MIDN: variants seen among roughly 807,000 people sequenced by gnomAD.
MIDN encodes midbrain nucleolar protein.
Under a neutral mutation model 46.1 loss-of-function variants are expected in MIDN, and 26 were observed. That is an observed-to-expected ratio of 0.56 (90% CI 0.41 to 0.78). MIDN has a LOEUF of 0.78. Ranked by LOEUF, MIDN falls within the 30% of genes least tolerant of loss-of-function variation. MIDN has a pLI of 0.00. For missense variants in MIDN, 850 were observed against 771.8 expected (o/e 1.10, Z -1.20); for synonymous variants, 432 against 343.3 (o/e 1.26, Z -2.86).
intron 7 of MIDN, 122 bp from the exon 8 acceptor site, chr19:1,255,300 G>A (rs894216072): frequency 3.2e-5 from 42 of 1,324,792 alleles, no homozygotes; most frequent in East Asian, 7.6e-5. Context: ...GTGGTCCCTC[G>A]TGCACATCAG....
In MIDN at chr19:1,258,072, G is replaced by C. The variant is rs2081223502; in HGVS notation, c.*800G>C. ...CCTGCCCTCCGCCCCGCCCCAGCCGGCGGACTGTGCTGTTTCCTCCGCCCC... is the reference window on the plus strand; with the variant it reads ...CCTGCCCTCCGCCCCGCCCCAGCCGCCGGACTGTGCTGTTTCCTCCGCCCC... On this transcript the variant is annotated 3_prime_UTR_variant, in exon 9 of 9. Transcript: ENST00000682408. 1 of 152,564 alleles carries C rather than the reference G, an allele frequency of 6.6e-6. No individual in the cohort carries two copies. The highest frequency in any genetic ancestry group is 2.1e-4 in the South Asian group (1 of 4,856). The allele number at this position is 152,564 out of a possible 1,614,324, so 9.5% of individuals were successfully genotyped here.
At position 1,257,266 on chromosome 19, in the gene MIDN, G is replaced by C. The variant is rs777844764; in HGVS notation, c.1530G>C (p.Val510=). The C allele has an allele frequency of 6.2e-7, 1 of 1,611,760 alleles. No individual in the cohort carries two copies. The highest frequency in any genetic ancestry group is 8.5e-7 in the Non-Finnish European group (1 of 1,179,506). The change falls in exon 9 of 9, where the codon GTG becomes GTC. Residue 510 remains valine (V), a synonymous_variant. Coordinates refer to ENST00000682408, the MANE Select transcript of MIDN (RefSeq NM_001388306.1). The part of the protein sequence containing the change: ...VNPDIKSEFV[V]A ...CTGACATCAAGTCAGAGTTCGTGGT[G>C]GCTTAGGATCTTCGGATCGGCCACC...
At chr19:1,254,619 G>A (rs2081175364) in intron 6 of MIDN, 141 bp downstream of exon 6, 1 of 947,306 alleles carries the variant, frequency 1.1e-6, no homozygotes, top group Non-Finnish European at 1.6e-6. Flanking sequence ...TCGGGCTGGT[G>A]GGTGATCCCC....
At chr19:1,249,085 C>T (rs1016989108) in intron 1 of MIDN, among the ~76,000 whole-genome samples, 3 of 151,416 alleles carry the variant, frequency 2.0e-5, no homozygotes, top group African/African-American at 4.8e-5. Flanking sequence ...AGAGGGCGCG[C>T]CCGAGCTGCT....
rs150148017 is a variant in MIDN, at chr19:1,257,191, C to T, written c.1455C>T (p.Ser485=). ...GCGGCGGCAGCCCCAGCGAGGCCTCCGGCTTGGGCCTCGACTTCGAGGACT... is the reference window on the plus strand; with the variant it reads ...GCGGCGGCAGCCCCAGCGAGGCCTCTGGCTTGGGCCTCGACTTCGAGGACT... ...SGGGGSPSEA[S]GLGLDFEDSV... Residue 485 remains serine, a synonymous_variant, in exon 9 of 9, where the codon TCC becomes TCT. Transcript: ENST00000682408. The T allele has an allele frequency of 1.1e-3, 1,804 of 1,611,994 alleles. 5 individuals are homozygous for T. Among genetic ancestry groups the T allele is most frequent in the South Asian group, 1.4e-3 (125 of 91,074 alleles).
chr19:1,254,752 G>T, intron 6 of MIDN, 150 bp from the exon 7 acceptor site: 4 of 956,730 alleles, frequency 4.2e-6, no homozygotes, highest in Non-Finnish European at 6.3e-6. Flanking sequence ...TGGGTTGGTT[G>T]TGACCTCGTG....
intron 2 of MIDN, among the ~76,000 whole-genome samples, chr19:1,250,967 C>T (rs1026722295): frequency 2.0e-5 from 3 of 152,092 alleles, no homozygotes; most frequent in African/African-American, 4.8e-5. Context: ...CCCCTCCCCC[C>T]TGGTATTTAA....
At chr19:1,252,237 G>GC (rs2081139074) in intron 4 of MIDN, among the ~76,000 whole-genome samples, 1 of 152,144 alleles carries the variant, frequency 6.6e-6, no homozygotes, top group Non-Finnish European at 1.5e-5. Flanking sequence ...CCACCGAGGA[G>GC]CCCCCCTCCA....
chr19:1,251,403 C>G, intron 2 of MIDN, 159 bp from the exon 3 acceptor site: 1 of 626,086 alleles, frequency 1.6e-6, no homozygotes, highest in Non-Finnish European at 2.7e-6. Flanking sequence ...GGAGACCTCT[C>G]TGCACGCGCT....
At chr19:1,255,320 C>A in intron 7 of MIDN, 102 bp from the exon 8 acceptor site, 1 of 1,395,544 alleles carries the variant, frequency 7.2e-7, no homozygotes, top group Non-Finnish European at 9.6e-7. Flanking sequence ...GCCCACATGT[C>A]CACGCCATTG....
intron 1 of MIDN, among the ~76,000 whole-genome samples, chr19:1,249,021 C>A (rs1458566136): frequency 1.3e-5 from 2 of 151,986 alleles, no homozygotes; most frequent in African/African-American, 4.8e-5. Flanking sequence ...CTGCCAGGGG[C>A]AGCGCGGCGC....
chr19:1,254,095 G>T lies in MIDN; in HGVS notation c.513+13G>T. Reference sequence around the variant, plus strand: ...CGAGAGGCCCCAGGTCACAGCGCGGGGGGACTGGGCCGGGCTGGGCTGGGG... The same window carrying T: ...CGAGAGGCCCCAGGTCACAGCGCGGTGGGACTGGGCCGGGCTGGGCTGGGG... On this transcript the variant is annotated intron_variant, in intron 5 of 8. Coordinates refer to ENST00000682408, the MANE Select transcript of MIDN (RefSeq NM_001388306.1). 1 of 1,531,028 alleles carries T rather than the reference G, an allele frequency of 6.5e-7. No homozygotes were observed. Among genetic ancestry groups the T allele is most frequent in the Non-Finnish European group, 8.7e-7 (1 of 1,146,144 alleles). The allele number at this position is 1,531,028 out of a possible 1,614,324, so 94.8% of individuals were successfully genotyped here.
rs139155010 is a variant in MIDN at position 1,251,592 on chromosome 19, C to T, written c.264C>T (p.Phe88=). 6.2e-6 allele frequency: 10 copies of T among 1,606,538 alleles called. No homozygotes were observed. The highest frequency in any genetic ancestry group is 4.0e-5 in the African/African-American group (3 of 74,394). The change falls in exon 3 of 9, where the codon TTC becomes TTT. Residue 88 remains phenylalanine (F), a synonymous_variant. Coordinates refer to ENST00000682408, the MANE Select transcript of MIDN (RefSeq NM_001388306.1). The stretch of plus-strand genomic sequence containing the variant: ...TCAGTTCGGGGAAGCTGCAGGAGTT[C>T]GGCGTGGGTGATGGCAGCAAGCTGA... ...TRLSSGKLQE[F]GVGDGSKLTL...
At chr19:1,252,049 G>C in intron 4 of MIDN, 148 bp downstream of exon 4, 1 of 665,158 alleles carries the variant, frequency 1.5e-6, no homozygotes, top group Non-Finnish European at 2.6e-6. Context: ...GCCTGGCCTG[G>C]CCTCCCCACC....
chr19:1,253,861 C>A, intron 4 of MIDN, 93 bp from the exon 5 acceptor site: 1 of 1,101,322 alleles, frequency 9.1e-7, no homozygotes, highest in Non-Finnish European at 1.2e-6. Context: ...CCAGCTGGGC[C>A]CCGCCCCCTC....
In MIDN at chr19:1,255,424, A is replaced by G; in HGVS notation, c.988A>G (p.Thr330Ala). 6.3e-7 allele frequency: 1 copy of G among 1,587,374 alleles called. No homozygotes were observed. The highest frequency in any genetic ancestry group is 8.6e-7 in the Non-Finnish European group (1 of 1,168,080). ...CTCACGGCCACCTCTGCCCGCAGGC[A>G]CGCTACACCCCAACTGCCAAGACAG... is the stretch of plus-strand genomic sequence containing the variant. ...PGVFSGTFSG[T>A]LHPNCQDSSG... The change falls in exon 8 of 9, where the codon ACG (threonine) becomes GCG (alanine). Residue 330 changes from threonine to alanine, a missense_variant and splice_region_variant. Coordinates refer to ENST00000682408, the MANE Select transcript of MIDN (RefSeq NM_001388306.1).
intron 4 of MIDN, among the ~76,000 whole-genome samples, chr19:1,252,723 T>G (rs1187574689): frequency 6.6e-6 from 1 of 152,010 alleles, no homozygotes; most frequent in Non-Finnish European, 1.5e-5. Context: ...TTCCCGGGCC[T>G]CCCTGGCCCC....
chr19:1,256,733 G>C (rs910394227), intron 8 of MIDN, among the ~76,000 whole-genome samples: 5 of 152,068 alleles, frequency 3.3e-5, no homozygotes, highest in Admixed American at 1.3e-4. Flanking sequence ...GGCCTGTCTC[G>C]AACTCCTGAG....
Position 1,255,402 on chromosome 19 carries a change from AC to A in MIDN, c.986-19del, listed in dbSNP as rs540299246. 3,425 of 1,564,876 alleles carry A rather than the reference AC, an allele frequency of 2.2e-3. 7 individuals carry two copies. The highest frequency in any genetic ancestry group is 2.8e-3 in the Non-Finnish European group (3,206 of 1,156,702). ...GGGACTGTGCCCGTGCCGGGCACTCACGGCCACCTCTGCCCGCAGGCACGCT... is the reference window on the plus strand; with the variant it reads ...GGGACTGTGCCCGTGCCGGGCACTCAGGCCACCTCTGCCCGCAGGCACGCT... On this transcript the variant is annotated intron_variant, in intron 7 of 8. Coordinates refer to ENST00000682408, the MANE Select transcript of MIDN (RefSeq NM_001388306.1).
Sources: gnomAD v4.1 joint callset for allele counts (sites outside exome capture counted in the v4.1 genomes callset) on GRCh38, gnomAD v4.1.1 for gene constraint, MANE v1.5 for transcripts, NCBI Gene and HGNC (gene_info 2026-07-23, HGNC 2026-07-21) for gene names.